Variants in HYDIN observed in about 807,000 individuals in gnomAD.
HYDIN encodes axonemal central pair apparatus protein HYDIN.
A neutral mutation model predicts 403.9 loss-of-function variants in HYDIN; 132 were observed. The observed-to-expected ratio is 0.33, with a 90% CI of 0.28 to 0.38. The LOEUF is 0.38. Ranked by LOEUF, HYDIN falls within the 10% of genes least tolerant of loss-of-function variation. The pLI, the probability that HYDIN is intolerant of heterozygous loss-of-function variation, is 1.00. For synonymous variants in HYDIN, 1,202 were observed against 1,891.7 expected (o/e 0.64, Z 9.46); for missense variants, 2,827 against 5,009.5 (o/e 0.56, Z 13.15).
At chr16:70,809,195 G>A (rs1316166497) in intron 85 of HYDIN, among the ~76,000 whole-genome samples, 3 of 152,210 alleles carry the variant, frequency 2.0e-5, no homozygotes, top group African/African-American at 7.2e-5. Flanking sequence ...GATTGCAGAT[G>A]TGAACCACTG....
At chr16:70,967,766 T>C (rs964583515) in intron 36 of HYDIN, among the ~76,000 whole-genome samples, 11 of 152,100 alleles carry the variant, frequency 7.2e-5, no homozygotes, top group Non-Finnish European at 2.9e-5. Flanking sequence ...GTATTTTTTT[T>C]TGTAGAGATA....
rs368780964 is a variant in HYDIN at position 70,992,095 on chromosome 16, C to T, written c.3760G>A (p.Glu1254Lys). The T allele has an allele frequency of 1.1e-4, 176 of 1,613,488 alleles. No individual in the cohort carries two copies. The highest frequency in any genetic ancestry group is 1.6e-4 in the Middle Eastern group (1 of 6,082). ...PAILVTVESP[E>K]MDLNDFVKTV... ...TTAACAAAATCATTTAAATCCATCT[C>T]GGGGGACTCTACTGTAACTAGGATT... is the stretch of plus-strand genomic sequence containing the variant. Residue 1254 changes from glutamate to lysine, a missense_variant, in exon 24 of 86, where the codon GAG becomes AAG. By Grantham distance (56) the Glu-to-Lys change is moderately conservative. Transcript: ENST00000393567.
At chr16:71,180,034 G>A (rs907348882) in intron 3 of HYDIN, among the ~76,000 whole-genome samples, 2 of 152,032 alleles carry the variant, frequency 1.3e-5, no homozygotes, top group African/African-American at 4.8e-5. Context: ...ACAAAAACAG[G>A]AGAGGAAATT....
chr16:70,905,720 G>C (rs1021612034), intron 50 of HYDIN, among the ~76,000 whole-genome samples: 10 of 151,202 alleles, frequency 6.6e-5, no homozygotes, highest in Non-Finnish European at 1.5e-4. Flanking sequence ...GATTACCATA[G>C]TCACTGTCCT....
chr16:71,079,913 TG>T lies in HYDIN; in HGVS notation c.1709del (p.Pro570GlnfsTer16). The T allele has an allele frequency of 6.6e-7, 1 of 1,516,652 alleles. No homozygotes were observed. The highest frequency in any genetic ancestry group is 1.4e-5 in the African/African-American group (1 of 72,658). The allele number at this position is 1,516,652 out of a possible 1,614,324, so 93.9% of individuals were successfully genotyped here. A position where few individuals can be genotyped will look rare whatever the true frequency, so the allele number is the denominator to read the frequency against. ...VIGPTFHFNV[P>X]ALHFGDVSFG... The stretch of plus-strand genomic sequence containing the variant: ...AGGAAACATCACCAAAGTGCAGAGC[TG>T]GAACATTAAAATGGAAGGTAGGTCC... On this transcript the variant is annotated frameshift_variant, in exon 13 of 86. Transcript: ENST00000393567. LOFTEE classifies it high-confidence loss of function.
chr16:70,981,546 T>C lies in HYDIN; in HGVS notation c.4355A>G (p.Glu1452Gly), dbSNP rs1475954559. 1.2e-6 allele frequency: 2 copies of C among 1,612,312 alleles called. No individual in the cohort carries two copies. Among genetic ancestry groups the C allele is most frequent in the African/African-American group, 1.3e-5 (1 of 74,852 alleles). Residue 1452 changes from glutamate to glycine, a missense_variant, in exon 29 of 86, where the codon GAG becomes GGG. Coordinates refer to ENST00000393567, the MANE Select transcript of HYDIN (RefSeq NM_001270974.2). ...PVSGFISSHQ[E>G]QVLKVYYLPG... ...TAGGTAGTAAACTTTTAATACCTGC[T>C]CTTGATGTGAACTGATAAAGCCCTA...
At chr16:70,834,212 T>A (rs779894768) in intron 78 of HYDIN, 48 bp from the exon 79 acceptor site, 3 of 1,519,068 alleles carry the variant, frequency 2.0e-6, no homozygotes, top group Non-Finnish European at 9.0e-7. Context: ...GGGAGGCCCC[T>A]AAGGCCTCGG....
At chr16:70,885,503 C>T (rs575778058) in intron 58 of HYDIN, among the ~76,000 whole-genome samples, 19 of 152,056 alleles carry the variant, frequency 1.2e-4, no homozygotes, top group African/African-American at 4.6e-4. Flanking sequence ...CAAAGAACAG[C>T]TGAAATGAGC....
intron 23 of HYDIN, among the ~76,000 whole-genome samples, chr16:71,016,949 G>C (rs1051341786): frequency 2.6e-5 from 4 of 151,054 alleles, no homozygotes; most frequent in African/African-American, 9.7e-5. Context: ...CATGCTGAGG[G>C]AGGGACCTGA....
At chr16:70,910,479 T>C (rs1196508662) in intron 47 of HYDIN, among the ~76,000 whole-genome samples, 1 of 152,268 alleles carries the variant, frequency 6.6e-6, no homozygotes, top group Admixed American at 6.5e-5. Flanking sequence ...TATCCACTTG[T>C]TGACTGATGG....
intron 60 of HYDIN, among the ~76,000 whole-genome samples, chr16:70,881,564 C>A (rs1320484510): frequency 6.9e-6 from 1 of 145,826 alleles, no homozygotes; most frequent in Non-Finnish European, 1.5e-5. Context: ...GCTGAGATTG[C>A]GCCACTGCAC....
At chr16:70,892,662 C>T (rs1442996191) in intron 55 of HYDIN, 133 bp from the exon 56 acceptor site, 18 of 774,588 alleles carry the variant, frequency 2.3e-5, no homozygotes, top group Non-Finnish European at 3.6e-5. Context: ...GCGGAGTCCA[C>T]TGTGCTTTGT....
chr16:70,991,445 C>A, intron 24 of HYDIN, 49 bp from the exon 25 acceptor site: 7 of 1,602,130 alleles, frequency 4.4e-6, no homozygotes, highest in Non-Finnish European at 6.0e-6. Flanking sequence ...GCTGTCATCG[C>A]CACACAGTCT....
At chr16:70,914,200 T>G (rs2076773464) in intron 47 of HYDIN, among the ~76,000 whole-genome samples, 1 of 152,044 alleles carries the variant, frequency 6.6e-6, no homozygotes, top group Non-Finnish European at 1.5e-5. Flanking sequence ...TGCTTTTTTG[T>G]TTTTTTTAAT....
At chr16:71,137,846 A>T (rs112485180) in intron 7 of HYDIN, among the ~76,000 whole-genome samples, 3 of 151,964 alleles carry the variant, frequency 2.0e-5, no homozygotes, top group African/African-American at 4.8e-5. Context: ...AAAAATAGAA[A>T]ACTGACTACT....
At chr16:71,223,101 G>A (rs1006601246) in intron 1 of HYDIN, among the ~76,000 whole-genome samples, 1 of 152,168 alleles carries the variant, frequency 6.6e-6, no homozygotes, top group African/African-American at 2.4e-5. Context: ...TACCAAAACA[G>A]CATGGTACTG....
chr16:71,129,580 A>G, intron 9 of HYDIN, 60 bp downstream of exon 9: 4 of 1,486,250 alleles, frequency 2.7e-6, no homozygotes, highest in South Asian at 2.7e-5. Context: ...GCTCTTATCA[A>G]AGCAAGCCTG....
Position 71,224,324 on chromosome 16 carries a change from C to T in HYDIN, c.-24+6238G>A, listed in dbSNP as rs991051389. Among the ~76,000 whole-genome samples the T allele has an allele frequency of 2.6e-5, 4 of 152,244 alleles. No homozygotes were observed. In the South Asian group the frequency reaches 8.3e-4, roughly 32 times the overall value. On this transcript the variant is annotated intron_variant, in intron 1 of 85. Coordinates refer to ENST00000393567, the MANE Select transcript of HYDIN (RefSeq NM_001270974.2). ...AAGTAGGGTAAGGGATAAAAGACTA[C>T]ATATTGGGCATAGTGTACACTGCTC... is the stretch of plus-strand genomic sequence containing the variant.
At chr16:70,966,798 T>A (rs1482252931) in intron 36 of HYDIN, among the ~76,000 whole-genome samples, 1 of 152,154 alleles carries the variant, frequency 6.6e-6, no homozygotes, top group Non-Finnish European at 1.5e-5. Context: ...CACCAGAGAA[T>A]GAGCTGTAGA....
Sources: gnomAD v4.1 joint callset for allele counts (sites outside exome capture counted in the v4.1 genomes callset) on GRCh38, gnomAD v4.1.1 for gene constraint, MANE v1.5 for transcripts, NCBI Gene and HGNC (gene_info 2026-07-23, HGNC 2026-07-21) for gene names.